RBFOX1: variants seen among roughly 807,000 people sequenced by gnomAD.
The protein encoded by RBFOX1 is RNA binding fox-1 homolog 1.
Under a neutral mutation model 57.7 loss-of-function variants are expected in RBFOX1, and 8 were observed. That is an observed-to-expected ratio of 0.14 (90% CI 0.08 to 0.25). The LOEUF is 0.25. RBFOX1 is among the 10% of genes least tolerant of loss of function. The probability of loss-of-function intolerance (pLI) is 1.00; values close to 1 mark genes in which losing one functional copy is unlikely to be tolerated. For missense variants in RBFOX1, 611 were observed against 548.5 expected (o/e 1.11, Z -1.14); for synonymous variants, 326 against 222.4 (o/e 1.47, Z -4.15).
intron 1 of RBFOX1, among the ~76,000 whole-genome samples, chr16:6,040,452 A>T (rs1457482891): frequency 6.6e-6 from 1 of 152,200 alleles, no homozygotes; most frequent in Non-Finnish European, 1.5e-5. Flanking sequence ...AAGTGGAATC[A>T]TGCAGCATAT....
At chr16:5,938,082 G>A (rs1201794979) in intron 4 of RBFOX1, among the ~76,000 whole-genome samples, 1 of 152,086 alleles carries the variant, frequency 6.6e-6, no homozygotes, top group Non-Finnish European at 1.5e-5. Flanking sequence ...CTGGCCAAAA[G>A]CTGAAACACC....
chr16:6,333,911 A>G (rs1333016332), intron 2 of RBFOX1, among the ~76,000 whole-genome samples: 2 of 152,202 alleles, frequency 1.3e-5, no homozygotes, highest in Admixed American at 1.3e-4. Context: ...CCCTATGCTA[A>G]CTCATAGAAG....
intron 3 of RBFOX1, among the ~76,000 whole-genome samples, chr16:6,954,541 C>G (rs369398130): frequency 6.6e-6 from 1 of 152,168 alleles, no homozygotes; most frequent in African/African-American, 2.4e-5. Flanking sequence ...TACATGCCAA[C>G]TGTCCTCACC....
At chr16:5,418,639 C>G (rs933418317) in intron 1 of RBFOX1, among the ~76,000 whole-genome samples, 17 of 152,208 alleles carry the variant, frequency 1.1e-4, no homozygotes, top group African/African-American at 3.6e-4. Flanking sequence ...CCCGCCATAC[C>G]TCCCTTGTCC....
At chr16:6,747,888 C>T (rs1603507389) in intron 3 of RBFOX1, among the ~76,000 whole-genome samples, 1 of 152,144 alleles carries the variant, frequency 6.6e-6, no homozygotes. Context: ...CTTATGGCTT[C>T]ACCATTGTAA....
At chr16:6,075,986 T>TAAAGA (rs1265677209) in intron 1 of RBFOX1, among the ~76,000 whole-genome samples, 1 of 152,126 alleles carries the variant, frequency 6.6e-6, no homozygotes, top group Non-Finnish European at 1.5e-5. Context: ...TTATCTTCTG[T>TAAAGA]AAAGAAAATT....
chr16:5,341,678 G>C (rs186241279), intron 1 of RBFOX1, among the ~76,000 whole-genome samples: 103 of 152,294 alleles, frequency 6.8e-4, no homozygotes, highest in African/African-American at 2.2e-3. Flanking sequence ...TCCATTTTAG[G>C]GTGAGGGCAT....
intron 4 of RBFOX1, among the ~76,000 whole-genome samples, chr16:5,944,260 C>G (rs537625164): frequency 6.6e-6 from 1 of 152,334 alleles, no homozygotes; most frequent in Non-Finnish European, 1.5e-5. Flanking sequence ...TGTGTAAGTT[C>G]AATCTTGGTT....
intron 4 of RBFOX1, among the ~76,000 whole-genome samples, chr16:7,192,441 T>C (rs1372802958): frequency 6.6e-6 from 1 of 152,192 alleles, no homozygotes; most frequent in Non-Finnish European, 1.5e-5. Context: ...GAAGGGTCCC[T>C]TCAATGGAGA....
intron 2 of RBFOX1, among the ~76,000 whole-genome samples, chr16:6,504,592 T>C (rs535738813): frequency 2.0e-4 from 31 of 152,286 alleles, no homozygotes; most frequent in Middle Eastern, 3.4e-3. Flanking sequence ...CTGAGTCTTA[T>C]TTGACACCTC....
chr16:6,666,540 CAAAAAA>C (rs35935992), intron 3 of RBFOX1, among the ~76,000 whole-genome samples: 20 of 81,466 alleles, frequency 2.5e-4, no homozygotes, highest in African/African-American at 7.0e-4. Flanking sequence ...ACTCTGTCTC[CAAAAAA>C]AAAAAAAAAA....
At chr16:6,592,525 G>A (rs1371055405) in intron 2 of RBFOX1, among the ~76,000 whole-genome samples, 4 of 152,208 alleles carry the variant, frequency 2.6e-5, no homozygotes. Flanking sequence ...GGTTAGGATA[G>A]TGAATAAGGT....
intron 1 of RBFOX1, among the ~76,000 whole-genome samples, chr16:6,141,333 G>C (rs974205039): frequency 2.0e-5 from 3 of 152,162 alleles, no homozygotes; most frequent in Non-Finnish European, 2.9e-5. Context: ...AGAGCTGAGA[G>C]GCTATTCCTT....
intron 4 of RBFOX1, among the ~76,000 whole-genome samples, chr16:7,492,718 T>G (rs1224818993): frequency 6.6e-6 from 1 of 152,104 alleles, no homozygotes; most frequent in Non-Finnish European, 1.5e-5. Context: ...GGCATGATAG[T>G]GAATTGTTGT....
intron 3 of RBFOX1, among the ~76,000 whole-genome samples, chr16:5,607,409 T>TCTGCTGTTCTGGGGAACATCC (rs376240776): frequency 0.026 from 4,031 of 152,254 alleles, 113 homozygotes; most frequent in African/African-American, 0.072. Context: ...TAGCGCAGGG[T>TCTGCTGTTCTGGGGAACATCC]CTGCCATTTC....
chr16:6,919,952 G>A (rs180864076), intron 3 of RBFOX1, among the ~76,000 whole-genome samples: 1 of 151,860 alleles, frequency 6.6e-6, no homozygotes, highest in Non-Finnish European at 1.5e-5. Context: ...TTTCCCCTCT[G>A]AGTCCCCAAA....
intron 1 of RBFOX1, among the ~76,000 whole-genome samples, chr16:6,258,241 C>T (rs2097680651): frequency 6.6e-6 from 1 of 152,220 alleles, no homozygotes; most frequent in Non-Finnish European, 1.5e-5. Context: ...GCTGATGCAA[C>T]TGTGCTCTTG....
intron 1 of RBFOX1, among the ~76,000 whole-genome samples, chr16:6,206,277 T>A (rs2097254925): frequency 6.6e-6 from 1 of 152,078 alleles, no homozygotes; most frequent in Admixed American, 6.6e-5. Context: ...GCTGTTCCTG[T>A]TACCTGGGCC....
At chr16:7,227,675 C>A (rs947068017) in intron 4 of RBFOX1, among the ~76,000 whole-genome samples, 2 of 152,136 alleles carry the variant, frequency 1.3e-5, no homozygotes, top group Non-Finnish European at 2.9e-5. Flanking sequence ...GTGGATGGGT[C>A]CTTCCAGCGG....
Sources: gnomAD v4.1 joint callset for allele counts (sites outside exome capture counted in the v4.1 genomes callset) on GRCh38, gnomAD v4.1.1 for gene constraint, MANE v1.5 for transcripts, NCBI Gene and HGNC (gene_info 2026-07-23, HGNC 2026-07-21) for gene names.